The following CDC45 variants were observed in gnomAD, a reference collection of about 807,000 sequenced individuals.
CDC45 encodes cell division control protein 45 homolog.
CDC45 carries 54 observed loss-of-function variants against 77.8 expected under a neutral mutation model. The observed-to-expected ratio is 0.69, with a 90% confidence interval of 0.56 to 0.87. The LOEUF is 0.87. Among genes scored for constraint, CDC45 ranks in the 40% least tolerant of loss-of-function variants. The pLI is 0.00. For missense variants in CDC45, 649 were observed against 721.6 expected, an observed-to-expected ratio of 0.90 and a Z score of 1.15; for synonymous variants, 260 against 272.1, an observed-to-expected ratio of 0.96 and a Z score of 0.44.
chr22:19,512,761 GA>G (rs1200297877), intron 13 of CDC45, among the ~76,000 whole-genome samples: 1 of 152,168 alleles, frequency 6.6e-6, no homozygotes, highest in Admixed American at 6.5e-5. Context: ...TACTTTGTAA[GA>G]AAAGGATATT....
chr22:19,482,551 T>G, intron 3 of CDC45, 139 bp from the exon 4 acceptor site: 1 of 846,356 alleles, frequency 1.2e-6, no homozygotes, highest in African/African-American at 1.7e-5. Flanking sequence ...CCTGGCCATT[T>G]TTTGGAGTCC....
chr22:19,502,030 T>C (rs1414550209), intron 9 of CDC45, among the ~76,000 whole-genome samples: 1 of 152,182 alleles, frequency 6.6e-6, no homozygotes, highest in African/African-American at 2.4e-5. Flanking sequence ...TTAATCATTT[T>C]TATAGCCTGT....
chr22:19,505,811 G>A (rs111248882), intron 10 of CDC45, among the ~76,000 whole-genome samples: 11 of 152,212 alleles, frequency 7.2e-5, no homozygotes, highest in Non-Finnish European at 1.3e-4. Context: ...ATCACACAGC[G>A]TGACGTGTCT....
chr22:19,504,395 A>G (rs947289685), intron 9 of CDC45, among the ~76,000 whole-genome samples: 1 of 152,096 alleles, frequency 6.6e-6, no homozygotes, highest in Non-Finnish European at 1.5e-5. Flanking sequence ...CGCCTCCCAG[A>G]TTCAAGTGAT....
rs537012927 is a variant in CDC45, at chr22:19,514,991, T to C, written c.1383T>C (p.Ser461=). The change falls in exon 15 of 19, where the codon TCT becomes TCC. Residue 461 remains serine (S), a synonymous_variant. Coordinates refer to ENST00000263201, the MANE Select transcript of CDC45 (RefSeq NM_003504.5). ...GCACTCCAGATGTCATGCTGTTCTC[T>C]AGGCCGGCATCCCTAAGCCTGCTCA... is the stretch of plus-strand genomic sequence containing the variant. The part of the protein sequence containing the change: ...MEGTPDVMLF[S]RPASLSLLSK... The C allele has an allele frequency of 1.2e-6, 2 of 1,614,158 alleles. No homozygotes were observed. The highest frequency in any genetic ancestry group is 2.2e-5 in the East Asian group (1 of 44,870).
chr22:19,515,063 G>A lies in CDC45; in HGVS notation c.1440+15G>A, dbSNP rs1264134438. The A allele has an allele frequency of 2.8e-5, 45 of 1,582,622 alleles. No homozygotes were observed. Among genetic ancestry groups the A allele is most frequent in the Middle Eastern group, 3.4e-4 (2 of 5,842 alleles). On this transcript the variant is annotated intron_variant, in intron 15 of 18. Transcript: ENST00000263201. ...TTGTGTGTTCGGTGAGGGGCCAGGCGGGTGCTGTGGGTACAGGAGGGCAGG... is the reference window on the plus strand; with the variant it reads ...TTGTGTGTTCGGTGAGGGGCCAGGCAGGTGCTGTGGGTACAGGAGGGCAGG...
At chr22:19,480,850 C>G (rs767423592) in intron 2 of CDC45, 103 bp from the exon 3 acceptor site, 1 of 683,856 alleles carries the variant, frequency 1.5e-6, no homozygotes, top group African/African-American at 1.8e-5. Flanking sequence ...AATGTTATCC[C>G]GTGTCTTTTG....
At chr22:19,505,818 G>A (rs150018394) in intron 10 of CDC45, among the ~76,000 whole-genome samples, 1 of 152,302 alleles carries the variant, frequency 6.6e-6, no homozygotes, top group African/African-American at 2.4e-5. Context: ...AGCGTGACGT[G>A]TCTTTTGAGA....
At chr22:19,499,284 T>C (rs535699914) in intron 9 of CDC45, 133 bp downstream of exon 9, 286 of 856,004 alleles carry the variant, frequency 3.3e-4, no homozygotes, top group Non-Finnish European at 5.1e-4. Flanking sequence ...GCCCTCCTCC[T>C]TGGGCCCAAG....
intron 5 of CDC45, among the ~76,000 whole-genome samples, chr22:19,487,114 A>G (rs1300388662): frequency 6.6e-6 from 1 of 151,924 alleles, no homozygotes; most frequent in East Asian, 2.0e-4. Flanking sequence ...ACCAACATGG[A>G]GAAACCCTGT....
rs1282884315 is a variant in CDC45 at position 19,481,774 on chromosome 22, C to T, written c.204+729C>T. On this transcript the variant is annotated intron_variant, in intron 3 of 18. Coordinates refer to ENST00000263201, the MANE Select transcript of CDC45 (RefSeq NM_003504.5). Reference sequence around the variant, plus strand: ...GCAACCTCCGCCTTCTGGGTTCAAGCGATTCTCCTGCCTCAGCCTCCTAAC... The same window carrying T: ...GCAACCTCCGCCTTCTGGGTTCAAGTGATTCTCCTGCCTCAGCCTCCTAAC... Among the ~76,000 whole-genome samples the T allele has an allele frequency of 2.6e-5, 4 of 152,038 alleles. No homozygotes were observed. In the East Asian group the frequency reaches 5.8e-4, roughly 22 times the overall value.
intron 9 of CDC45, 158 bp from the exon 10 acceptor site, chr22:19,505,204 T>G: frequency 1.3e-6 from 1 of 769,306 alleles, no homozygotes; most frequent in Non-Finnish European, 2.1e-6. Flanking sequence ...GGTGCTTGGT[T>G]TCTATGCAGG....
chr22:19,505,024 AT>A (rs1389140562), intron 9 of CDC45: 2 of 298,098 alleles, frequency 6.7e-6, no homozygotes, highest in Non-Finnish European at 1.3e-5. Flanking sequence ...TATAGGGAAC[AT>A]TTCACCCACT....
At chr22:19,503,266 C>T (rs536554916) in intron 9 of CDC45, among the ~76,000 whole-genome samples, 11 of 152,308 alleles carry the variant, frequency 7.2e-5, no homozygotes, top group South Asian at 2.1e-4. Flanking sequence ...TGAAGATGTA[C>T]GTCTCTTGTC....
chr22:19,480,423 G>T (rs1384850001), intron 2 of CDC45, among the ~76,000 whole-genome samples: 4 of 152,176 alleles, frequency 2.6e-5, no homozygotes, highest in Non-Finnish European at 4.4e-5. Flanking sequence ...TGGGATAAAG[G>T]ATTAAGTAAA....
rs755431657 is a variant in CDC45, at chr22:19,480,225, C to T, written c.111+8C>T. Reference sequence around the variant, plus strand: ...GCGTGCAAGATCCTTCAGGTGAGTTCTGCGGACCCTAGGAGGGCGGGGCCG... The same window carrying T: ...GCGTGCAAGATCCTTCAGGTGAGTTTTGCGGACCCTAGGAGGGCGGGGCCG... On this transcript the variant is annotated splice_region_variant and intron_variant, in intron 2 of 18. Coordinates refer to ENST00000263201, the MANE Select transcript of CDC45 (RefSeq NM_003504.5). The T allele has an allele frequency of 3.1e-6, 5 of 1,613,188 alleles. No individual in the cohort carries two copies. The highest frequency in any genetic ancestry group is 1.7e-4 in the Middle Eastern group (1 of 6,060).
At position 19,486,668 on chromosome 22, in the gene CDC45, A is replaced by G. The variant is rs117801672; in HGVS notation, c.486+2663A>G. Among the ~76,000 whole-genome samples the G allele has an allele frequency of 3.4e-3, 520 of 152,242 alleles. 17 individuals are homozygous for G. In the East Asian group the frequency reaches 0.069, roughly 20 times the overall value. ...ACCTGTGCATGATTTATAACTAAGT[A>G]TGTGTATATTAGAGGTATATATATA... On this transcript the variant is annotated intron_variant, in intron 5 of 18. Coordinates refer to ENST00000263201, the MANE Select transcript of CDC45 (RefSeq NM_003504.5).
Position 19,505,489 on chromosome 22 carries a change from T to G in CDC45, c.824+8T>G, listed in dbSNP as rs1933117598. The G allele has an allele frequency of 1.2e-6, 2 of 1,613,876 alleles. No individual in the cohort carries two copies. The highest frequency in any genetic ancestry group is 1.7e-5 in the Admixed American group (1 of 60,004). ...GATCTCCTTTGAGTATGAGTATCCT[T>G]GTGGCCCAGCCTGAGGGGCACAGGC... On this transcript the variant is annotated splice_region_variant and intron_variant, in intron 10 of 18. Transcript: ENST00000263201.
At chr22:19,497,329 G>A in intron 7 of CDC45, 57 bp from the exon 8 acceptor site, 2 of 1,531,918 alleles carry the variant, frequency 1.3e-6, no homozygotes, top group Admixed American at 3.3e-5. Flanking sequence ...TGGCTGCATG[G>A]CCCAGCCCCA....
Sources: gnomAD v4.1 joint callset for allele counts (sites outside exome capture counted in the v4.1 genomes callset) on GRCh38, gnomAD v4.1.1 for gene constraint, MANE v1.5 for transcripts, NCBI Gene and HGNC (gene_info 2026-07-23, HGNC 2026-07-21) for gene names.